GAPVD1: variants seen among roughly 807,000 people sequenced by gnomAD.
The protein encoded by GAPVD1 is GTPase activating protein and VPS9 domains 1.
A neutral mutation model predicts 155.5 loss-of-function variants in GAPVD1; 35 were observed. The observed-to-expected ratio is 0.23, with a 90% confidence interval of 0.17 to 0.30. GAPVD1 has a LOEUF of 0.30. Ranked by LOEUF, GAPVD1 falls within the 10% of genes least tolerant of loss-of-function variation. The pLI is 1.00. For missense variants in GAPVD1, 1,429 were observed against 1,775.7 expected, an observed-to-expected ratio of 0.80 and a Z score of 3.51; for synonymous variants, 636 against 619.7, an observed-to-expected ratio of 1.03 and a Z score of -0.39.
At position 125,307,948 on chromosome 9, in the gene GAPVD1, G is replaced by C. The variant is rs1333055; in HGVS notation, c.1441+68G>C. The C allele has an allele frequency of 0.49, 518,307 of 1,049,510 alleles. 129,913 individuals carry two copies. Among genetic ancestry groups the C allele is most frequent in the African/African-American group, 0.57 (36,589 of 63,706 alleles). 65.0% of individuals were successfully genotyped at this position (1,049,510 alleles called of 1,614,324 possible). A position where few individuals can be genotyped will look rare whatever the true frequency, so the allele number is the denominator to read the frequency against. ...TATTTCATTAGCCTTTGTTATTGCT[G>C]AGTGTTTTGGAACATATGTTTAAGT... On this transcript the variant is annotated intron_variant, in intron 8 of 27. Transcript: ENST00000297933.
rs1343113298 is a variant in GAPVD1 at position 125,337,474 on chromosome 9, G to A, written c.2760G>A (p.Arg920=). 2.5e-6 allele frequency: 4 copies of A among 1,614,164 alleles called. No individual in the cohort carries two copies. Among genetic ancestry groups the A allele is most frequent in the Non-Finnish European group, 3.4e-6 (4 of 1,180,016 alleles). The stretch of plus-strand genomic sequence containing the variant: ...CCATGAGTGACCCCAGCTGGAACCG[G>A]CGTCCAGGAAATGAAGAGCGAGAAC... The part of the protein sequence containing the change: ...RRPMSDPSWN[R]RPGNEERELP... The change falls in exon 17 of 28, where the codon CGG becomes CGA. Residue 920 remains arginine (R), a synonymous_variant. Coordinates refer to ENST00000297933, the MANE Select transcript of GAPVD1 (RefSeq NM_001282680.3).
At chr9:125,314,006 C>G (rs1046378728) in intron 9 of GAPVD1, among the ~76,000 whole-genome samples, 1 of 152,232 alleles carries the variant, frequency 6.6e-6, no homozygotes, top group African/African-American at 2.4e-5. Context: ...CACATTAATA[C>G]ATCTGTGGCA....
At chr9:125,273,661 G>T (rs1835266278) in intron 2 of GAPVD1, among the ~76,000 whole-genome samples, 1 of 151,980 alleles carries the variant, frequency 6.6e-6, no homozygotes, top group African/African-American at 2.4e-5. Context: ...TGGGTCTCAG[G>T]TGATCGGTGA....
At position 125,273,468 on chromosome 9, in the gene GAPVD1, G is replaced by C. The variant is rs139968810; in HGVS notation, c.-150+4484G>C. On this transcript the variant is annotated intron_variant, in intron 2 of 27. Coordinates refer to ENST00000297933, the MANE Select transcript of GAPVD1 (RefSeq NM_001282680.3). ...GTAGGTCTTCAGCAGGGAAGAGCTTGGTGCCAAATTTTTATTGTTTTTCTT... is the reference window on the plus strand; with the variant it reads ...GTAGGTCTTCAGCAGGGAAGAGCTTCGTGCCAAATTTTTATTGTTTTTCTT... Among the ~76,000 whole-genome samples, 7 of 150,534 alleles carry C rather than the reference G, an allele frequency of 4.7e-5. No homozygotes were observed. In the East Asian group the frequency reaches 1.4e-3, roughly 29 times the overall value.
chr9:125,295,683 T>G (rs894413518), intron 3 of GAPVD1, 109 bp downstream of exon 3: 1 of 152,064 alleles, frequency 6.6e-6, no homozygotes. Context: ...CCGCCCACAT[T>G]AGCCTCCCAA....
In GAPVD1 at chr9:125,346,852, A is replaced by G; in HGVS notation, c.3080A>G (p.Gln1027Arg). The G allele has an allele frequency of 1.2e-6, 2 of 1,613,702 alleles. No individual in the cohort carries two copies. The highest frequency in any genetic ancestry group is 1.7e-6 in the Non-Finnish European group (2 of 1,179,554). Reference protein sequence around the residue: ...DPSPRLSAQAQVAEDILDKYR... With the variant: ...DPSPRLSAQARVAEDILDKYR... The stretch of plus-strand genomic sequence containing the variant: ...AGCCCTAGACTCAGTGCACAAGCTC[A>G]GGTGGCTGAGGATATTCTGGACAAA... Residue 1027 changes from glutamine (Q) to arginine (R), a missense_variant, in exon 20 of 28, where the codon CAG becomes CGG. Coordinates refer to ENST00000297933, the MANE Select transcript of GAPVD1 (RefSeq NM_001282680.3).
At chr9:125,293,472 A>G (rs1838927260) in intron 2 of GAPVD1, among the ~76,000 whole-genome samples, 1 of 144,338 alleles carries the variant, frequency 6.9e-6, no homozygotes, top group South Asian at 2.2e-4. Flanking sequence ...TTTTTTTGAG[A>G]TAGAGTTTTG....
chr9:125,274,052 C>T (rs1272817277), intron 2 of GAPVD1, among the ~76,000 whole-genome samples: 2 of 151,870 alleles, frequency 1.3e-5, no homozygotes, highest in African/African-American at 2.4e-5. Flanking sequence ...CAGGAGCCTG[C>T]ACTTGGCCAG....
At position 125,337,362 on chromosome 9, in the gene GAPVD1, A is replaced by T; in HGVS notation, c.2648A>T (p.Glu883Val). 1 of 1,614,154 alleles carries T rather than the reference A, an allele frequency of 6.2e-7. No individual in the cohort carries two copies. The highest frequency in any genetic ancestry group is 8.5e-7 in the Non-Finnish European group (1 of 1,180,008). Reference sequence around the variant, plus strand: ...GGTTCCCATGTTTTAACTCCAGCTGAAATGGAGGCATTCAAGCAAAGGCAT... The same window carrying T: ...GGTTCCCATGTTTTAACTCCAGCTGTAATGGAGGCATTCAAGCAAAGGCAT... ...NFGSHVLTPA[E>V]MEAFKQRHSY... The change falls in exon 17 of 28, where the codon GAA (glutamate) becomes GTA (valine). Residue 883 changes from glutamate to valine, a missense_variant. Transcript: ENST00000297933.
At chr9:125,275,771 A>C (rs1835683253) in intron 2 of GAPVD1, among the ~76,000 whole-genome samples, 1 of 152,178 alleles carries the variant, frequency 6.6e-6, no homozygotes, top group Non-Finnish European at 1.5e-5. Context: ...AAAAAATAAA[A>C]AGACAATCTT....
chr9:125,366,012 G>C lies in GAPVD1; in HGVS notation c.*3266G>C, dbSNP rs1057266080. On this transcript the variant is annotated 3_prime_UTR_variant, in exon 28 of 28. Transcript: ENST00000297933. ...TTTCTCCATTTTAGGTAAAATCTCA[G>C]CCACAGTAATTGCTTTCTTCTGCTT... 6.6e-6 allele frequency: 1 copy of C among 152,158 alleles called. No individual in the cohort carries two copies. Among genetic ancestry groups the C allele is most frequent in the Non-Finnish European group, 1.5e-5 (1 of 68,026 alleles). The allele number at this position is 152,158 out of a possible 1,614,324, so 9.4% of individuals were successfully genotyped here.
In GAPVD1 at chr9:125,349,506, G is replaced by C. The variant is rs970408791; in HGVS notation, c.3286G>C (p.Ala1096Pro). 6.2e-7 allele frequency: 1 copy of C among 1,613,888 alleles called. No individual in the cohort carries two copies. The change falls in exon 21 of 28, where the codon GCT (alanine) becomes CCT (proline). Residue 1096 changes from alanine (A) to proline (P), a missense_variant. Ala to Pro is a conservative substitution (Grantham distance 27). This residue lies in a region of GAPVD1 where 699 missense variants were observed against 826.0 expected (regional missense o/e 0.85). Transcript: ENST00000297933. ...CCAAGCAGCCCACCCGCAGGATTCA[G>C]CTTTCTCTTACAGGTATTTCTTTTA... ...ASQAAHPQDS[A>P]FSYRDAKKKL...
intron 2 of GAPVD1, among the ~76,000 whole-genome samples, chr9:125,273,207 T>G (rs1835192613): frequency 6.6e-6 from 1 of 152,234 alleles, no homozygotes; most frequent in Non-Finnish European, 1.5e-5. Flanking sequence ...ATTGTGAAAG[T>G]TCCAGATAGG....
chr9:125,350,047 A>T (rs906148082), intron 21 of GAPVD1, among the ~76,000 whole-genome samples: 1 of 152,136 alleles, frequency 6.6e-6, no homozygotes, highest in Non-Finnish European at 1.5e-5. Context: ...CAGTGTATGA[A>T]AAAAGGTCAG....
chr9:125,287,100 G>A (rs568852974), intron 2 of GAPVD1, among the ~76,000 whole-genome samples: 51 of 152,044 alleles, frequency 3.4e-4, no homozygotes, highest in African/African-American at 1.1e-3. Context: ...AAAAATCAGT[G>A]TGTCAGGAGT....
At chr9:125,341,346 A>T (rs543853345) in intron 18 of GAPVD1, 82 bp downstream of exon 18, 94 of 706,684 alleles carry the variant, frequency 1.3e-4, no homozygotes, top group Middle Eastern at 7.4e-4. Context: ...CAATGTCTCA[A>T]CTCCTCTGTA....
intron 11 of GAPVD1, among the ~76,000 whole-genome samples, chr9:125,324,768 G>C (rs548593520): frequency 6.6e-6 from 1 of 152,116 alleles, no homozygotes; most frequent in South Asian, 2.1e-4. Context: ...AATGGAGTGA[G>C]GTAAGGATTA....
At chr9:125,300,023 G>GAAAAAAAAAAAA (rs1175810085) in intron 4 of GAPVD1, among the ~76,000 whole-genome samples, 2 of 666 alleles carry the variant, frequency 3.0e-3, no homozygotes, top group African/African-American at 4.4e-3. Flanking sequence ...TGTCTCAAAA[G>GAAAAAAAAAAAA]AAAAAAAAAA....
intron 2 of GAPVD1, among the ~76,000 whole-genome samples, chr9:125,282,142 A>C (rs887782097): frequency 1.3e-5 from 2 of 152,044 alleles, no homozygotes; most frequent in Admixed American, 1.3e-4. Context: ...AGCTGGGCAT[A>C]GTGGCGTATG....
Sources: gnomAD v4.1 joint callset for allele counts (sites outside exome capture counted in the v4.1 genomes callset) on GRCh38, gnomAD v4.1.1 for gene constraint, gnomAD v4.1.1 regional missense constraint, MANE v1.5 for transcripts, NCBI Gene and HGNC (gene_info 2026-07-23, HGNC 2026-07-21) for gene names.